Variants in NEK1 observed in about 807,000 individuals in gnomAD.
NEK1 encodes serine/threonine-protein kinase Nek1.
In NEK1, 137 loss-of-function variants were observed where a neutral mutation model predicts 182.1. The ratio of observed to expected loss-of-function variants is 0.75; its 90% CI spans 0.65 to 0.87. NEK1 has a LOEUF of 0.87. NEK1 is among the 40% of genes least tolerant of loss of function. The pLI is 0.00. For synonymous variants in NEK1, 513 were observed against 492.2 expected, an observed-to-expected ratio of 1.04 and a Z score of -0.56; for missense variants, 1,391 against 1,494.4, an observed-to-expected ratio of 0.93 and a Z score of 1.14.
At chr4:169,566,910 C>T (rs929441337) in intron 12 of NEK1, among the ~76,000 whole-genome samples, 1 of 151,974 alleles carries the variant, frequency 6.6e-6, no homozygotes, top group Admixed American at 6.6e-5. Context: ...TTGACAATAG[C>T]TTGAACAACA....
At chr4:169,455,789 T>C (rs1439794605) in intron 27 of NEK1, among the ~76,000 whole-genome samples, 1 of 152,082 alleles carries the variant, frequency 6.6e-6, no homozygotes, top group African/African-American at 2.4e-5. Flanking sequence ...ATCACAGCTC[T>C]GCAAGGAGCA....
At chr4:169,566,587 C>T (rs1266776386) in intron 12 of NEK1, among the ~76,000 whole-genome samples, 1 of 152,118 alleles carries the variant, frequency 6.6e-6, no homozygotes, top group Non-Finnish European at 1.5e-5. Context: ...AAAAAAAAGT[C>T]TCACAATACA....
chr4:169,498,598 T>C (rs971499538), intron 23 of NEK1, among the ~76,000 whole-genome samples: 2 of 152,212 alleles, frequency 1.3e-5, no homozygotes, highest in African/African-American at 4.8e-5. Context: ...AGGGCAGGCC[T>C]GGTGGTGACA....
At chr4:169,600,188 G>A (rs985546767) in intron 4 of NEK1, among the ~76,000 whole-genome samples, 6 of 151,932 alleles carry the variant, frequency 3.9e-5, no homozygotes, top group Non-Finnish European at 8.8e-5. Context: ...CTGTGCTATG[G>A]CCTTATTTCC....
At chr4:169,513,723 A>C (rs1754579736) in intron 19 of NEK1, among the ~76,000 whole-genome samples, 1 of 152,174 alleles carries the variant, frequency 6.6e-6, no homozygotes, top group Admixed American at 6.5e-5. Flanking sequence ...TGTGAGGTTC[A>C]GAACATTCCC....
chr4:169,463,452 G>T, intron 26 of NEK1, 57 bp from the exon 27 acceptor site: 1 of 1,291,236 alleles, frequency 7.7e-7, no homozygotes, highest in Non-Finnish European at 1.1e-6. Flanking sequence ...AATACTGCAT[G>T]GTAAGGCAGA....
chr4:169,593,430 A>C (rs1483882331), intron 5 of NEK1, among the ~76,000 whole-genome samples: 1 of 152,184 alleles, frequency 6.6e-6, no homozygotes, highest in Non-Finnish European at 1.5e-5. Context: ...GTAAACCAGT[A>C]ATTAAAGGGA....
At chr4:169,462,487 T>TATAG (rs1169953850) in intron 27 of NEK1, among the ~76,000 whole-genome samples, 1 of 152,146 alleles carries the variant, frequency 6.6e-6, no homozygotes, top group Non-Finnish European at 1.5e-5. Context: ...GTAACATGTG[T>TATAG]ATAGGTTCGT....
At chr4:169,556,547 A>C (rs747740843) in intron 16 of NEK1, among the ~76,000 whole-genome samples, 10 of 152,168 alleles carry the variant, frequency 6.6e-5, no homozygotes, top group Admixed American at 3.3e-4. Context: ...CACCAAGCAG[A>C]TATGAAGGTA....
At chr4:169,454,490 AAAC>A (rs1350931511) in intron 27 of NEK1, among the ~76,000 whole-genome samples, 1 of 152,176 alleles carries the variant, frequency 6.6e-6, no homozygotes, top group Non-Finnish European at 1.5e-5. Flanking sequence ...TACAAGAAAA[AAAC>A]AACCCCATCA....
chr4:169,449,178 G>A (rs368913277), intron 27 of NEK1, among the ~76,000 whole-genome samples: 27 of 152,334 alleles, frequency 1.8e-4, no homozygotes, highest in East Asian at 5.8e-4. Context: ...GGAGCCCACC[G>A]CAGCTCAACA....
chr4:169,401,598 C>G (rs1731695337), intron 33 of NEK1, 54 bp downstream of exon 33: 1 of 1,511,484 alleles, frequency 6.6e-7, no homozygotes, highest in Admixed American at 1.7e-5. Context: ...ATACACTCTA[C>G]TTGAAATATT....
intron 29 of NEK1, among the ~76,000 whole-genome samples, 154 bp from the exon 30 acceptor site, chr4:169,426,388 T>A (rs1736397606): frequency 6.6e-6 from 1 of 152,210 alleles, no homozygotes; most frequent in African/African-American, 2.4e-5. Context: ...CTTTCTCACA[T>A]AAGTACAATG....
intron 19 of NEK1, among the ~76,000 whole-genome samples, chr4:169,531,903 G>C (rs1025286325): frequency 3.9e-5 from 6 of 152,130 alleles, no homozygotes; most frequent in African/African-American, 1.4e-4. Flanking sequence ...CATCAACAGA[G>C]AAATTGAACA....
At chr4:169,497,881 G>A (rs1395256010) in intron 23 of NEK1, among the ~76,000 whole-genome samples, 4 of 152,222 alleles carry the variant, frequency 2.6e-5, no homozygotes, top group African/African-American at 9.6e-5. Flanking sequence ...TGTATATTCT[G>A]TTGATTTGGG....
At chr4:169,542,083 CATAGGT>C (rs1759526612) in intron 18 of NEK1, among the ~76,000 whole-genome samples, 1 of 152,124 alleles carries the variant, frequency 6.6e-6, no homozygotes, top group African/African-American at 2.4e-5. Flanking sequence ...GTGCAGGTTA[CATAGGT>C]ATACACATGC....
intron 35 of NEK1, among the ~76,000 whole-genome samples, chr4:169,399,852 T>A (rs1018286688): frequency 6.6e-6 from 1 of 152,130 alleles, no homozygotes; most frequent in Non-Finnish European, 1.5e-5. Context: ...CTCAAACTCC[T>A]GGCCTCAAGC....
At chr4:169,410,460 T>C (rs906280963) in intron 31 of NEK1, among the ~76,000 whole-genome samples, 12 of 152,228 alleles carry the variant, frequency 7.9e-5, no homozygotes, top group African/African-American at 2.2e-4. Context: ...GTATTTTTCA[T>C]ATAAAATCAG....
chr4:169,433,776 T>A, intron 28 of NEK1, 111 bp from the exon 29 acceptor site: 1 of 1,072,330 alleles, frequency 9.3e-7, no homozygotes, highest in Admixed American at 2.6e-5. Context: ...ATATATTCAT[T>A]AAAACAGAAA....
Sources: gnomAD v4.1 joint callset for allele counts (sites outside exome capture counted in the v4.1 genomes callset) on GRCh38, gnomAD v4.1.1 for gene constraint, MANE v1.5 for transcripts, NCBI Gene and HGNC (gene_info 2026-07-23, HGNC 2026-07-21) for gene names.